Variants in DKK2 observed in about 807,000 individuals in gnomAD.
DKK2 encodes dickkopf-related protein 2.
DKK2 carries 11 observed loss-of-function variants against 28.1 expected under a neutral mutation model. The ratio of observed to expected loss-of-function variants is 0.39; its 90% CI spans 0.25 to 0.65. The LOEUF is 0.65. Among genes scored for constraint, DKK2 ranks in the 30% least tolerant of loss-of-function variants. The pLI, the probability that DKK2 is intolerant of heterozygous loss-of-function variation, is 0.47. For missense variants in DKK2, 326 were observed against 335.5 expected (o/e 0.97, Z 0.22); for synonymous variants, 135 against 126.5 (o/e 1.07, Z -0.45).
rs758305143 is a variant in DKK2, at chr4:107,035,454, C to A, written c.138G>T (p.Thr46=). The A allele has an allele frequency of 6.2e-7, 1 of 1,614,094 alleles. No homozygotes were observed. The highest frequency in any genetic ancestry group is 8.5e-7 in the Non-Finnish European group (1 of 1,180,060). Residue 46 remains threonine (T), a synonymous_variant, in exon 1 of 4, where the codon ACG becomes ACT. Transcript: ENST00000285311. ...CAGATCGATTGGCGGCCTGACCAGG[C>A]GTCTCCCCGCCCAGAGAGGACTTGA... ...NSIKSSLGGE[T]PGQAANRSAG...
intron 1 of DKK2, among the ~76,000 whole-genome samples, chr4:106,975,211 G>A (rs1157088258): frequency 6.6e-6 from 1 of 152,012 alleles, no homozygotes; most frequent in African/African-American, 2.4e-5. Flanking sequence ...ATCTTTTTTG[G>A]TTGTGTCTCT....
intron 1 of DKK2, among the ~76,000 whole-genome samples, chr4:107,010,662 T>C (rs1029588636): frequency 1.3e-5 from 2 of 151,484 alleles, no homozygotes; most frequent in Non-Finnish European, 3.0e-5. Context: ...CTGAAACTCC[T>C]GAAAATTTTT....
chr4:106,924,854 C>T (rs1287518196), intron 2 of DKK2, among the ~76,000 whole-genome samples, 154 bp from the exon 3 acceptor site: 5 of 152,152 alleles, frequency 3.3e-5, no homozygotes, highest in Non-Finnish European at 7.3e-5. Flanking sequence ...TTTATTGAGA[C>T]TGAGCATACT....
At chr4:106,985,396 A>G (rs1723101310) in intron 1 of DKK2, among the ~76,000 whole-genome samples, 1 of 152,116 alleles carries the variant, frequency 6.6e-6, no homozygotes, top group African/African-American at 2.4e-5. Flanking sequence ...ATATTGTCCT[A>G]CAGTTTGGCA....
chr4:107,009,483 A>G (rs1170792708), intron 1 of DKK2, among the ~76,000 whole-genome samples: 1 of 151,874 alleles, frequency 6.6e-6, no homozygotes, highest in African/African-American at 2.4e-5. Context: ...CAAAAATCTG[A>G]ATAAAACCAC....
intron 1 of DKK2, among the ~76,000 whole-genome samples, chr4:107,013,988 A>T (rs113105135): frequency 6.6e-6 from 1 of 151,738 alleles, no homozygotes; most frequent in East Asian, 1.9e-4. Flanking sequence ...AGACAAAATA[A>T]CAAATACCGG....
chr4:106,981,400 C>T (rs1347546746), intron 1 of DKK2, among the ~76,000 whole-genome samples: 1 of 152,022 alleles, frequency 6.6e-6, no homozygotes, highest in Non-Finnish European at 1.5e-5. Context: ...ACATTTTCCC[C>T]TCTTATTTAA....
chr4:107,015,558 T>A (rs1463707933), intron 1 of DKK2, among the ~76,000 whole-genome samples: 1 of 151,742 alleles, frequency 6.6e-6, no homozygotes, highest in Admixed American at 6.6e-5. Context: ...GATAAACTAG[T>A]ATTCTTACCT....
chr4:106,938,662 A>G (rs1578349324), intron 1 of DKK2, among the ~76,000 whole-genome samples: 1 of 152,304 alleles, frequency 6.6e-6, no homozygotes, highest in East Asian at 1.9e-4. Flanking sequence ...CAACAAAAAA[A>G]TAGAATTTTA....
chr4:107,014,400 G>T (rs1189152388), intron 1 of DKK2, among the ~76,000 whole-genome samples: 1 of 151,374 alleles, frequency 6.6e-6, no homozygotes, highest in Non-Finnish European at 1.5e-5. Flanking sequence ...AAAGACAAAT[G>T]CTGTATTATT....
intron 1 of DKK2, among the ~76,000 whole-genome samples, chr4:106,981,688 A>G (rs974044349): frequency 6.6e-6 from 1 of 151,960 alleles, no homozygotes; most frequent in African/African-American, 2.4e-5. Flanking sequence ...TTGAAATCCT[A>G]CCTATCTTTT....
At chr4:106,926,277 T>C (rs1453094869) in intron 1 of DKK2, among the ~76,000 whole-genome samples, 3 of 152,190 alleles carry the variant, frequency 2.0e-5, no homozygotes, top group Non-Finnish European at 4.4e-5. Flanking sequence ...TTGTAATTAT[T>C]GCATTGATGC....
chr4:106,956,979 G>C (rs946756937), intron 1 of DKK2, among the ~76,000 whole-genome samples: 1 of 151,512 alleles, frequency 6.6e-6, no homozygotes, highest in Non-Finnish European at 1.5e-5. Flanking sequence ...TACAAAATGG[G>C]AGAAAATTTT....
intron 1 of DKK2, among the ~76,000 whole-genome samples, chr4:107,002,705 A>T (rs1049403354): frequency 3.3e-5 from 5 of 152,214 alleles, no homozygotes; most frequent in African/African-American, 7.2e-5. Flanking sequence ...TATTCTATCT[A>T]CTAGACCTGG....
chr4:106,983,186 G>A (rs1355933330), intron 1 of DKK2, among the ~76,000 whole-genome samples: 1 of 151,574 alleles, frequency 6.6e-6, no homozygotes, highest in African/African-American at 2.4e-5. Context: ...TATGTGCTCA[G>A]TAAATACTGG....
At chr4:106,948,997 G>A (rs1191595370) in intron 1 of DKK2, among the ~76,000 whole-genome samples, 2 of 152,118 alleles carry the variant, frequency 1.3e-5, no homozygotes, top group Non-Finnish European at 2.9e-5. Context: ...TTTAAGTTGA[G>A]GCCAATGTTT....
rs1464795619 is a variant in DKK2 at position 107,035,803 on chromosome 4, C to T, written c.-212G>A. The stretch of plus-strand genomic sequence containing the variant: ...AGCGGAACCCAAGCGAGACCCGCTT[C>T]TCCACCAGGACAGGAAGTTCTGCAA... On this transcript the variant is annotated 5_prime_UTR_variant, in exon 1 of 4. Coordinates refer to ENST00000285311, the MANE Select transcript of DKK2 (RefSeq NM_014421.3). 5.1e-6 allele frequency: 3 copies of T among 591,354 alleles called. No individual in the cohort carries two copies. The highest frequency in any genetic ancestry group is 1.9e-5 in the African/African-American group (1 of 53,718). The allele number at this position is 591,354 out of a possible 1,614,324, so 36.6% of individuals were successfully genotyped here. A position where few individuals can be genotyped will look rare whatever the true frequency, so the allele number is the denominator to read the frequency against.
In DKK2 at chr4:107,010,899, A is replaced by G. The variant is rs113597093; in HGVS notation, c.222+24471T>C. On this transcript the variant is annotated intron_variant, in intron 1 of 3. Transcript: ENST00000285311. Reference sequence around the variant, plus strand: ...ATATTAATATAAATAATATATTTTAATTAAAAACAATTTTCAAGAATGAAA... The same window carrying G: ...ATATTAATATAAATAATATATTTTAGTTAAAAACAATTTTCAAGAATGAAA... 7.6e-3 allele frequency among the ~76,000 whole-genome samples: 1,144 copies of G among 151,348 alleles called. 7 individuals carry two copies. The highest frequency in any genetic ancestry group is 0.024 in the African/African-American group (1,014 of 41,476).
chr4:106,945,772 T>G (rs140580486), intron 1 of DKK2, among the ~76,000 whole-genome samples: 305 of 152,254 alleles, frequency 2.0e-3, no homozygotes, highest in African/African-American at 6.7e-3. Flanking sequence ...GCAATATGTT[T>G]TCTATTGAGG....
Sources: gnomAD v4.1 joint callset for allele counts (sites outside exome capture counted in the v4.1 genomes callset) on GRCh38, gnomAD v4.1.1 for gene constraint, MANE v1.5 for transcripts, NCBI Gene and HGNC (gene_info 2026-07-23, HGNC 2026-07-21) for gene names.